Variants in ATP6V0D1 observed in about 807,000 individuals in gnomAD.
ATP6V0D1 encodes the protein V-type proton ATPase subunit d 1.
In ATP6V0D1, 13 loss-of-function variants were observed where a neutral mutation model predicts 39.0. The ratio of observed to expected loss-of-function variants is 0.33; its 90% CI spans 0.22 to 0.53. The LOEUF (loss-of-function observed/expected upper bound fraction) is 0.53, where lower values mean the gene tolerates loss of function less well. Among genes scored for constraint, ATP6V0D1 ranks in the 20% least tolerant of loss-of-function variants. The pLI, the probability that ATP6V0D1 is intolerant of heterozygous loss-of-function variation, is 0.94. For missense variants in ATP6V0D1, 272 were observed against 470.9 expected, an observed-to-expected ratio of 0.58 and a Z score of 3.91; for synonymous variants, 191 against 191.2, an observed-to-expected ratio of 1.00 and a Z score of 0.01.
chr16:67,454,883 C>G (rs1361123100), intron 1 of ATP6V0D1: 1 of 152,414 alleles, frequency 6.6e-6, no homozygotes, highest in African/African-American at 2.4e-5. Flanking sequence ...CCTCAGGGCC[C>G]TTCCCCGTCC....
intron 1 of ATP6V0D1, among the ~76,000 whole-genome samples, chr16:67,462,814 G>T (rs1006941514): frequency 2.0e-5 from 3 of 150,050 alleles, no homozygotes; most frequent in Non-Finnish European, 4.4e-5. Context: ...TGAGACAGAG[G>T]GAGACTCTGT....
At chr16:67,477,105 A>C (rs906222583) in intron 1 of ATP6V0D1, among the ~76,000 whole-genome samples, 3 of 151,808 alleles carry the variant, frequency 2.0e-5, no homozygotes, top group African/African-American at 7.3e-5. Flanking sequence ...ATTGAACCAA[A>C]ATCTGAGCAA....
rs2142313324 is a variant in ATP6V0D1, at chr16:67,453,534, G to A, written c.302+10C>T. 6.2e-7 allele frequency: 1 copy of A among 1,613,890 alleles called. No homozygotes were observed. Among genetic ancestry groups the A allele is most frequent in the East Asian group, 2.2e-5 (1 of 44,866 alleles). On this transcript the variant is annotated intron_variant, in intron 2 of 7. Transcript: ENST00000290949. The surrounding 1 kb of genome is among the most constrained non-coding windows in gnomAD (Gnocchi z 4.1). ...AGGTAAGAGAAGAAGGCGCTACAAA[G>A]CACACTCACGTAATGAAGTCTAGGA...
chr16:67,449,892 G>C (rs2041158829), intron 2 of ATP6V0D1, among the ~76,000 whole-genome samples: 1 of 152,220 alleles, frequency 6.6e-6, no homozygotes, highest in South Asian at 2.1e-4. Context: ...CTCTCACACA[G>C]AAGGGCAGAG....
rs558663049 is a variant in ATP6V0D1, at chr16:67,444,898, C to A, written c.303-192G>T. 6.6e-6 allele frequency among the ~76,000 whole-genome samples: 1 copy of A among 152,308 alleles called. No homozygotes were observed. Among genetic ancestry groups the A allele is most frequent in the African/African-American group, 2.4e-5 (1 of 41,574 alleles). ...CCTCTCAAGCTTCTGACCACCCCCA[C>A]TGCCAGAGGCCTAGGACAGACACAG... On this transcript the variant is annotated intron_variant, in intron 2 of 7. Coordinates refer to ENST00000290949, the MANE Select transcript of ATP6V0D1 (RefSeq NM_004691.5). This position sits in a 1 kb window ranked among gnomAD's most constrained non-coding sequence, Gnocchi z 4.8.
Position 67,438,469 on chromosome 16 carries a change from A to G in ATP6V0D1, c.*59T>C, listed in dbSNP as rs1037355921. The G allele has an allele frequency of 2.6e-6, 4 of 1,544,206 alleles. No individual in the cohort carries two copies. Among genetic ancestry groups the G allele is most frequent in the African/African-American group, 1.4e-5 (1 of 70,934 alleles). On this transcript the variant is annotated 3_prime_UTR_variant, in exon 8 of 8. Coordinates refer to ENST00000290949, the MANE Select transcript of ATP6V0D1 (RefSeq NM_004691.5). ...ACCACATACACACACACGCACACAC[A>G]CGCGCACACACACACACACACACAC...
intron 1 of ATP6V0D1, among the ~76,000 whole-genome samples, chr16:67,470,991 C>T (rs145124261): frequency 1.8e-4 from 28 of 152,336 alleles, no homozygotes; most frequent in Admixed American, 3.9e-4. Flanking sequence ...GCAAGAGCAG[C>T]TAGCAAGTGT....
At chr16:67,469,123 C>T (rs2142329909) in intron 1 of ATP6V0D1, among the ~76,000 whole-genome samples, 1 of 152,282 alleles carries the variant, frequency 6.6e-6, no homozygotes, top group Non-Finnish European at 1.5e-5. Flanking sequence ...GCCTGACCAA[C>T]ATGGTGAAAC....
rs1391120343 is a variant in ATP6V0D1 at position 67,439,282 on chromosome 16, T to C, written c.631A>G (p.Ile211Val). The change falls in exon 5 of 8, where the codon ATC becomes GTC. Residue 211 changes from isoleucine to valine, a missense_variant. This residue lies in a region of ATP6V0D1 where 135 missense variants were observed against 273.8 expected (regional missense o/e 0.49). Transcript: ENST00000290949. ...GGCGGGCAGGCACTCACCTCCAGGATGGGGCACATGGCATCAGCCGTAGTC... is the reference window on the plus strand; with the variant it reads ...GGCGGGCAGGCACTCACCTCCAGGACGGGGCACATGGCATCAGCCGTAGTC... ...GGTTADAMCP[I>V]LEFEADRRAF... The C allele has an allele frequency of 3.1e-6, 5 of 1,613,970 alleles. No individual in the cohort carries two copies. Among genetic ancestry groups the C allele is most frequent in the African/African-American group, 1.3e-5 (1 of 74,916 alleles).
rs1056785421 is a variant in ATP6V0D1, at chr16:67,459,297, C to T, written c.131-5582G>A. On this transcript the variant is annotated intron_variant, in intron 1 of 7. Transcript: ENST00000290949. ...CACCCCCAGCCTGGAAAGTGAGAGT[C>T]CCTGCCCTCCCACCTCCACAGGCCG... is the stretch of plus-strand genomic sequence containing the variant. 6 of 979,906 alleles carry T rather than the reference C, an allele frequency of 6.1e-6. No individual in the cohort carries two copies. The African/African-American group carries it at 1.1e-4, about 17-fold the overall frequency. The allele number at this position is 979,906 out of a possible 1,614,324, so 60.7% of individuals were successfully genotyped here. A position where few individuals can be genotyped will look rare whatever the true frequency, so the allele number is the denominator to read the frequency against.
chr16:67,478,897 G>C (rs1270032056), intron 1 of ATP6V0D1, among the ~76,000 whole-genome samples: 1 of 152,068 alleles, frequency 6.6e-6, no homozygotes, highest in Non-Finnish European at 1.5e-5. Flanking sequence ...AAGTCAAGAA[G>C]GGAAACAACC....
At chr16:67,465,684 A>C (rs889027614) in intron 1 of ATP6V0D1, among the ~76,000 whole-genome samples, 16 of 152,226 alleles carry the variant, frequency 1.1e-4, no homozygotes, top group African/African-American at 3.1e-4. Flanking sequence ...CTGGGCACCA[A>C]GGCAAAGAGC....
intron 1 of ATP6V0D1, among the ~76,000 whole-genome samples, chr16:67,470,249 T>C (rs906202602): frequency 6.6e-6 from 1 of 152,196 alleles, no homozygotes; most frequent in Non-Finnish European, 1.5e-5. Context: ...ATGCAGTGTT[T>C]TGACAAAGGG....
chr16:67,460,088 G>T (rs752123139), intron 1 of ATP6V0D1, among the ~76,000 whole-genome samples: 1 of 152,242 alleles, frequency 6.6e-6, no homozygotes, highest in Non-Finnish European at 1.5e-5. Context: ...AACCAGATGT[G>T]AGAACATGCT....
At chr16:67,449,944 A>C (rs901536295) in intron 2 of ATP6V0D1, among the ~76,000 whole-genome samples, 35 of 152,300 alleles carry the variant, frequency 2.3e-4, no homozygotes, top group African/African-American at 8.4e-4. Flanking sequence ...TCCTGGCAGA[A>C]GCCTGCTCCA....
intron 1 of ATP6V0D1, among the ~76,000 whole-genome samples, chr16:67,479,843 T>C (rs1448859175): frequency 6.6e-6 from 1 of 152,090 alleles, no homozygotes; most frequent in African/African-American, 2.4e-5. Context: ...GCGGGAGTGG[T>C]TGGCAAAGAC....
chr16:67,439,075 C>T lies in ATP6V0D1; in HGVS notation c.712G>A (p.Ala238Thr). The change falls in exon 6 of 8, where the codon GCC (alanine) becomes ACC (threonine). Residue 238 changes from alanine to threonine, a missense_variant. By Grantham distance (58) the Ala-to-Thr change is moderately conservative (BLOSUM62 0). This residue lies in a region of ATP6V0D1 where 135 missense variants were observed against 273.8 expected (regional missense o/e 0.49). Coordinates refer to ENST00000290949, the MANE Select transcript of ATP6V0D1 (RefSeq NM_004691.5). ...CGCCCACAGTGTGGAAAGAGCTTGGCACGGTCCTCTTTGGACAGCTCTGTG... is the reference window on the plus strand; with the variant it reads ...CGCCCACAGTGTGGAAAGAGCTTGGTACGGTCCTCTTTGGACAGCTCTGTG... ...FGTELSKEDR[A>T]KLFPHCGRLY... 6.2e-7 allele frequency: 1 copy of T among 1,614,242 alleles called. No homozygotes were observed. The highest frequency in any genetic ancestry group is 1.1e-5 in the South Asian group (1 of 91,086).
chr16:67,463,884 G>A (rs1429970819), intron 1 of ATP6V0D1, among the ~76,000 whole-genome samples: 1 of 152,234 alleles, frequency 6.6e-6, no homozygotes, highest in Non-Finnish European at 1.5e-5. Flanking sequence ...CCCCTGGGAG[G>A]GACGTGGTCA....
At chr16:67,464,909 T>C (rs2041317186) in intron 1 of ATP6V0D1, among the ~76,000 whole-genome samples, 1 of 152,222 alleles carries the variant, frequency 6.6e-6, no homozygotes, top group Non-Finnish European at 1.5e-5. Flanking sequence ...TGCCCAGCGG[T>C]CCTCAGGACC....
Sources: allele counts gnomAD v4.1 joint callset (sites outside exome capture counted in the v4.1 genomes callset), GRCh38; gene constraint gnomAD v4.1.1; regional missense constraint gnomAD v4.1.1; non-coding constraint Gnocchi (gnomAD v3.1); transcripts MANE v1.5; gene names NCBI Gene and HGNC (gene_info 2026-07-23, HGNC 2026-07-21).